Variants in CHD6 observed in about 807,000 individuals in gnomAD.
CHD6 encodes chromodomain helicase DNA binding protein 6, also known as ATP-dependent chromatin remodeler CHD6.
CHD6 carries 50 observed loss-of-function variants against 276.9 expected under a neutral mutation model. That is an observed-to-expected ratio of 0.18 (90% CI 0.14 to 0.23). The LOEUF (loss-of-function observed/expected upper bound fraction) is 0.23. Among genes scored for constraint, CHD6 ranks in the 10% least tolerant of loss-of-function variants. The pLI, the probability that CHD6 is intolerant of heterozygous loss-of-function variation, is 1.00. For synonymous variants in CHD6, 1,173 were observed against 1,229.3 expected, an observed-to-expected ratio of 0.95 and a Z score of 0.96; for missense variants, 2,564 against 3,365.8, an observed-to-expected ratio of 0.76 and a Z score of 5.89.
At chr20:41,609,595 G>A (rs2045864088) in intron 1 of CHD6, among the ~76,000 whole-genome samples, 1 of 152,166 alleles carries the variant, frequency 6.6e-6, no homozygotes, top group Non-Finnish European at 1.5e-5. Context: ...TACACTGGCA[G>A]CCCTATCCGT....
At chr20:41,406,710 G>A (rs1389888582) in intron 36 of CHD6, among the ~76,000 whole-genome samples, 2 of 152,204 alleles carry the variant, frequency 1.3e-5, no homozygotes, top group Non-Finnish European at 2.9e-5. Context: ...AGGACTTAGT[G>A]CCGCAGTCCC....
At chr20:41,455,727 C>T (rs777390745) in intron 19 of CHD6, 73 bp downstream of exon 19, 8 of 1,010,478 alleles carry the variant, frequency 7.9e-6, no homozygotes, top group African/African-American at 1.6e-5. Flanking sequence ...AGAAGCCCTG[C>T]TAATGGGTTT....
chr20:41,586,462 G>A (rs1227025210), intron 1 of CHD6, among the ~76,000 whole-genome samples: 4 of 152,198 alleles, frequency 2.6e-5, no homozygotes, highest in Non-Finnish European at 5.9e-5. Context: ...CGTGACCCAT[G>A]GCTTCTAACA....
At chr20:41,544,213 C>T (rs566242633) in intron 2 of CHD6, among the ~76,000 whole-genome samples, 2 of 152,118 alleles carry the variant, frequency 1.3e-5, no homozygotes, top group South Asian at 2.1e-4. Context: ...ACACTCCAGC[C>T]TGGGCAACAA....
At chr20:41,424,529 G>A (rs992922561) in intron 29 of CHD6, among the ~76,000 whole-genome samples, 1 of 152,260 alleles carries the variant, frequency 6.6e-6, no homozygotes, top group African/African-American at 2.4e-5. Flanking sequence ...TTGAACTATC[G>A]AATTTCATAA....
At chr20:41,516,496 A>T (rs2044255638) in intron 3 of CHD6, among the ~76,000 whole-genome samples, 1 of 152,018 alleles carries the variant, frequency 6.6e-6, no homozygotes, top group South Asian at 2.1e-4. Context: ...TCTTATTCTC[A>T]TTTTATCTTG....
chr20:41,418,761 A>G (rs1291484482), intron 31 of CHD6, among the ~76,000 whole-genome samples: 2 of 152,098 alleles, frequency 1.3e-5, no homozygotes, highest in African/African-American at 2.4e-5. Context: ...CCCACACCTC[A>G]TATGTGTGGA....
chr20:41,579,769 A>G (rs2045516448), intron 1 of CHD6, among the ~76,000 whole-genome samples: 1 of 152,220 alleles, frequency 6.6e-6, no homozygotes, highest in Non-Finnish European at 1.5e-5. Context: ...TTATTCAAAG[A>G]AACTGACCAC....
chr20:41,613,256 AATGT>A (rs765359055), intron 1 of CHD6, among the ~76,000 whole-genome samples: 24 of 152,236 alleles, frequency 1.6e-4, no homozygotes, highest in Non-Finnish European at 2.1e-4. Context: ...CTTCTTCTTC[AATGT>A]AAGAAAGAAA....
intron 3 of CHD6, among the ~76,000 whole-genome samples, chr20:41,532,203 T>C (rs762401808): frequency 3.2e-4 from 48 of 152,192 alleles, no homozygotes; most frequent in Non-Finnish European, 6.5e-4. Context: ...TGCACTCTGG[T>C]CTCTCTGTAA....
chr20:41,470,605 T>C (rs148872418), intron 17 of CHD6, among the ~76,000 whole-genome samples: 1,763 of 152,294 alleles, frequency 0.012, 26 homozygotes, highest in Admixed American at 0.024. Context: ...AATTCATCTC[T>C]TGCCAGCTCC....
chr20:41,565,157 C>A (rs557395424), intron 1 of CHD6, among the ~76,000 whole-genome samples: 1 of 150,702 alleles, frequency 6.6e-6, no homozygotes, highest in South Asian at 2.1e-4. Context: ...AGTGCAGTGG[C>A]GCGATCTCAG....
chr20:41,442,915 T>G (rs2047943790), intron 25 of CHD6, among the ~76,000 whole-genome samples: 4 of 152,234 alleles, frequency 2.6e-5, no homozygotes, highest in Admixed American at 2.6e-4. Context: ...TAAACTGATC[T>G]GGCCCTATGC....
In CHD6 at chr20:41,465,978, G is replaced by A. The variant is rs57024688; in HGVS notation, c.2664+7344C>T. On this transcript the variant is annotated intron_variant, in intron 17 of 36. Transcript: ENST00000373233. ...CCAGCACTTTGGGAGGCTGAGGTGG[G>A]TGGATCACAAGGTCAGGAGTTCAAG... Among the ~76,000 whole-genome samples, 239 of 152,288 alleles carry A rather than the reference G, an allele frequency of 1.6e-3. 1 individual carries two copies. The highest frequency in any genetic ancestry group is 5.2e-3 in the African/African-American group (217 of 41,574).
Position 41,420,777 on chromosome 20 carries a change from T to C in CHD6, c.5858A>G (p.Asp1953Gly). Residue 1953 changes from aspartate to glycine, a missense_variant, in exon 31 of 37, where the codon GAT (aspartate) becomes GGT (glycine). Around this residue, in one of 7 missense-constraint regions of CHD6, gnomAD observed 1,024 missense variants for 1,047.9 expected, o/e 0.98. Transcript: ENST00000373233. ...MERWMHGLEN[D>G]EFEIEKPKAY... ...CTTGGGTTTCTCGATTTCAAATTCA[T>C]CATTCTCGAGGCCATGCATCCACCT... The C allele has an allele frequency of 6.2e-7, 1 of 1,614,234 alleles. No individual in the cohort carries two copies. The highest frequency in any genetic ancestry group is 8.5e-7 in the Non-Finnish European group (1 of 1,180,044).
At chr20:41,437,119 G>A (rs774511735) in intron 27 of CHD6, 155 bp downstream of exon 27, 1 of 578,684 alleles carries the variant, frequency 1.7e-6, no homozygotes, top group South Asian at 2.5e-5. Flanking sequence ...TGCAATTGCA[G>A]TCTGTGTATT....
In CHD6 at chr20:41,585,163, A is replaced by C. The variant is rs531145445; in HGVS notation, c.-24+33177T>G. On this transcript the variant is annotated intron_variant, in intron 1 of 36. Coordinates refer to ENST00000373233, the MANE Select transcript of CHD6 (RefSeq NM_032221.5). The stretch of plus-strand genomic sequence containing the variant: ...TCTGTATATAAATTTGAACTTAGAT[A>C]AGTTGAATAACTCCACAAAAGTGAA... Among the ~76,000 whole-genome samples the C allele has an allele frequency of 9.8e-5, 15 of 152,320 alleles. 3 individuals carry two copies. Among genetic ancestry groups the C allele is most frequent in the African/African-American group, 3.6e-4 (15 of 41,576 alleles).
chr20:41,542,701 A>T (rs2044968140), intron 2 of CHD6, among the ~76,000 whole-genome samples: 1 of 152,064 alleles, frequency 6.6e-6, no homozygotes, highest in Non-Finnish European at 1.5e-5. Flanking sequence ...TCAAAAAAAA[A>T]GAAAAAGAAA....
chr20:41,432,339 G>C (rs1375890422), intron 27 of CHD6, among the ~76,000 whole-genome samples: 1 of 152,072 alleles, frequency 6.6e-6, no homozygotes, highest in African/African-American at 2.4e-5. Flanking sequence ...CGGCTGAGTG[G>C]GAGCTCAGAC....
Sources: gnomAD v4.1 joint callset for allele counts (sites outside exome capture counted in the v4.1 genomes callset) on GRCh38, gnomAD v4.1.1 for gene constraint, gnomAD v4.1.1 regional missense constraint, MANE v1.5 for transcripts, NCBI Gene and HGNC (gene_info 2026-07-23, HGNC 2026-07-21) for gene names.